Variants in SPEF2 observed in about 807,000 individuals in gnomAD.
SPEF2 encodes sperm flagellar and cilia associated 2.
Under a neutral mutation model 224.6 loss-of-function variants are expected in SPEF2, and 187 were observed. The observed-to-expected ratio is 0.83, with a 90% CI of 0.74 to 0.94. The LOEUF is 0.94. Ranked by LOEUF, SPEF2 falls within the 40% of genes least tolerant of loss-of-function variation. SPEF2 has a pLI of 0.00. For missense variants in SPEF2, 2,170 were observed against 2,135.6 expected (o/e 1.02, Z -0.32); for synonymous variants, 715 against 707.3 (o/e 1.01, Z -0.17).
chr5:35,809,891 T>G (rs1157570740), intron 36 of SPEF2, among the ~76,000 whole-genome samples: 1 of 152,098 alleles, frequency 6.6e-6, no homozygotes, highest in East Asian at 1.9e-4. Context: ...TCTCTTACAT[T>G]GAACCAGTAA....
rs762723152 is a variant in SPEF2, at chr5:35,727,664, G to T, written c.2915-11G>T. On this transcript the variant is annotated splice_polypyrimidine_tract_variant and intron_variant, in intron 20 of 36. Coordinates refer to ENST00000356031, the MANE Select transcript of SPEF2 (RefSeq NM_024867.4). ...TACTTGTATTGGAATAATTTGATAT[G>T]CATGTTTAAGGTTCTCCTAAAGGAA... The T allele has an allele frequency of 8.7e-6, 14 of 1,609,050 alleles. No individual in the cohort carries two copies. Among genetic ancestry groups the T allele is most frequent in the Non-Finnish European group, 1.2e-5 (14 of 1,176,924 alleles).
At chr5:35,666,462 A>C (rs1335131239) in intron 8 of SPEF2, among the ~76,000 whole-genome samples, 1 of 137,410 alleles carries the variant, frequency 7.3e-6, no homozygotes, top group Non-Finnish European at 1.5e-5. Flanking sequence ...ACATAAATAG[A>C]TGTTCCTACA....
chr5:35,675,241 T>C (rs1368737008), intron 10 of SPEF2, among the ~76,000 whole-genome samples: 1 of 152,164 alleles, frequency 6.6e-6, no homozygotes, highest in Non-Finnish European at 1.5e-5. Context: ...ATATCATTCC[T>C]TTGAATTAAG....
chr5:35,710,491 A>C, intron 19 of SPEF2: 1 of 716,278 alleles, frequency 1.4e-6, no homozygotes, highest in Non-Finnish European at 1.7e-6. Context: ...TGAGAGGCGG[A>C]GGTTGCAGTG....
chr5:35,792,263 AT>A (rs1756073753), intron 30 of SPEF2, 76 bp from the exon 31 acceptor site: 1 of 1,082,420 alleles, frequency 9.2e-7, no homozygotes, highest in East Asian at 2.5e-5. Context: ...TAAAATACTC[AT>A]TGCTTCTATT....
rs186671297 is a variant in SPEF2 at position 35,814,211 on chromosome 5, C to T, written c.5380-253C>T. The stretch of plus-strand genomic sequence containing the variant: ...AACTGCTTTTACAAATGTTAATTAA[C>T]CTAATATGACAACTCCATTATTAGG... On this transcript the variant is annotated intron_variant, in intron 36 of 36. Coordinates refer to ENST00000356031, the MANE Select transcript of SPEF2 (RefSeq NM_024867.4). 2.6e-5 allele frequency among the ~76,000 whole-genome samples: 4 copies of T among 152,186 alleles called. No homozygotes were observed. The East Asian group carries it at 5.8e-4, about 22-fold the overall frequency.
intron 18 of SPEF2, among the ~76,000 whole-genome samples, chr5:35,708,271 CT>C (rs1254632281): frequency 6.6e-6 from 1 of 152,070 alleles, no homozygotes; most frequent in East Asian, 1.9e-4. Flanking sequence ...TTTGTATTCA[CT>C]TTTTAAAGTT....
At chr5:35,664,433 G>T (rs181109945) in intron 8 of SPEF2, among the ~76,000 whole-genome samples, 2 of 152,096 alleles carry the variant, frequency 1.3e-5, no homozygotes, top group African/African-American at 4.8e-5. Flanking sequence ...GCTCACACCT[G>T]TAATCCCACC....
Position 35,659,147 on chromosome 5 carries a change from A to AGAAAAACAACATGAGGAAAGG in SPEF2, c.1127_1128insGGAAAAACAACATGAGGAAAG (p.Glu370_Arg376dup). The stretch of plus-strand genomic sequence containing the variant: ...TTTTATGGCAAAACAGAATTTTCAG[A>AGAAAAACAACATGAGGAAAGG]GAAAAACAACATGAGGAAAGACGAC... On this transcript the variant is annotated inframe_insertion, in exon 8 of 37. Coordinates refer to ENST00000356031, the MANE Select transcript of SPEF2 (RefSeq NM_024867.4). 7.4e-6 allele frequency: 12 copies of AGAAAAACAACATGAGGAAAGG among 1,613,470 alleles called. No individual in the cohort carries two copies. The highest frequency in any genetic ancestry group is 9.3e-6 in the Non-Finnish European group (11 of 1,179,622).
At chr5:35,799,727 T>G (rs1283402032) in intron 33 of SPEF2, among the ~76,000 whole-genome samples, 1 of 152,196 alleles carries the variant, frequency 6.6e-6, no homozygotes, top group African/African-American at 2.4e-5. Flanking sequence ...CAGTATTTCC[T>G]AAATATGTTA....
chr5:35,790,112 A>G, intron 30 of SPEF2: 1 of 702,946 alleles, frequency 1.4e-6, no homozygotes. Flanking sequence ...TAGTCGACCT[A>G]GTGTTGACCC....
intron 28 of SPEF2, among the ~76,000 whole-genome samples, chr5:35,774,790 C>T (rs553918215): frequency 5.9e-5 from 9 of 152,268 alleles, no homozygotes; most frequent in African/African-American, 2.2e-4. Flanking sequence ...TTGTTTCTCT[C>T]ATTTTCTCTC....
rs551720537 is a variant in SPEF2 at position 35,682,407 on chromosome 5, G to A, written c.1525-8630G>A. 1.8e-4 allele frequency among the ~76,000 whole-genome samples: 27 copies of A among 152,322 alleles called. 1 individual carries two copies. In the South Asian group the frequency reaches 5.6e-3, roughly 32 times the overall value. ...CTAACAGGTATCAAAAACAGTGTAAGTGTTGTATCCCCTTAGAAGGTCCTT... is the reference window on the plus strand; with the variant it reads ...CTAACAGGTATCAAAAACAGTGTAAATGTTGTATCCCCTTAGAAGGTCCTT... On this transcript the variant is annotated intron_variant, in intron 10 of 36. Coordinates refer to ENST00000356031, the MANE Select transcript of SPEF2 (RefSeq NM_024867.4).
At position 35,631,257 on chromosome 5, in the gene SPEF2, G is replaced by T. The variant is rs1040176791; in HGVS notation, c.161+2695G>T. Among the ~76,000 whole-genome samples, 3 of 152,120 alleles carry T rather than the reference G, an allele frequency of 2.0e-5. No homozygotes were observed. In the South Asian group the frequency reaches 6.2e-4, roughly 32 times the overall value. ...AGACCCATTCACTATCACGAGAACA[G>T]CATGGGAAAGACCTGCCCCCATGAT... On this transcript the variant is annotated intron_variant, in intron 2 of 36. Transcript: ENST00000356031.
intron 10 of SPEF2, among the ~76,000 whole-genome samples, chr5:35,680,950 C>T (rs557781675): frequency 6.6e-6 from 1 of 152,172 alleles, no homozygotes; most frequent in South Asian, 2.1e-4. Context: ...AATAATCTTC[C>T]AATGGAAACA....
Position 35,771,561 on chromosome 5 carries a change from T to A in SPEF2, c.3802-48T>A, listed in dbSNP as rs1402077510. ...AATGACTACATCCAAATGGTTGCCA[T>A]ATTTTGTAAATGAGACATTAACTGA... is the stretch of plus-strand genomic sequence containing the variant. On this transcript the variant is annotated intron_variant, in intron 26 of 36. Transcript: ENST00000356031. 3 of 1,575,830 alleles carry A rather than the reference T, an allele frequency of 1.9e-6. No individual in the cohort carries two copies. The African/African-American group carries it at 4.1e-5, about 22-fold the overall frequency.
At position 35,771,606 on chromosome 5, in the gene SPEF2, C is replaced by G; in HGVS notation, c.3802-3C>G. The stretch of plus-strand genomic sequence containing the variant: ...AACTGAAATATTGCTGTTACGCAAC[C>G]AGGTGGCTGCTGAAATTCATCAGAG... On this transcript the variant is annotated splice_region_variant and splice_polypyrimidine_tract_variant and intron_variant, in intron 26 of 36. Transcript: ENST00000356031. The G allele has an allele frequency of 6.3e-7, 1 of 1,588,294 alleles. No homozygotes were observed. Among genetic ancestry groups the G allele is most frequent in the Middle Eastern group, 1.7e-4 (1 of 5,894 alleles).
At chr5:35,738,797 A>T (rs568392913) in intron 21 of SPEF2, among the ~76,000 whole-genome samples, 45 of 151,964 alleles carry the variant, frequency 3.0e-4, no homozygotes, top group South Asian at 6.2e-4. Flanking sequence ...TTGAAAATGG[A>T]TATGGATTGG....
chr5:35,652,050 T>C (rs1349668233), intron 6 of SPEF2, among the ~76,000 whole-genome samples: 1 of 152,248 alleles, frequency 6.6e-6, no homozygotes, highest in Non-Finnish European at 1.5e-5. Flanking sequence ...AACACAAATT[T>C]GACCAAGGTT....
Sources: gnomAD v4.1 joint callset for allele counts (sites outside exome capture counted in the v4.1 genomes callset) on GRCh38, gnomAD v4.1.1 for gene constraint, MANE v1.5 for transcripts, NCBI Gene and HGNC (gene_info 2026-07-23, HGNC 2026-07-21) for gene names.